ATF2: variants seen among roughly 807,000 people sequenced by gnomAD.
ATF2 encodes activating transcription factor 2.
In ATF2, 24 loss-of-function variants were observed where a neutral mutation model predicts 60.6. The ratio of observed to expected loss-of-function variants is 0.40; its 90% CI spans 0.29 to 0.56. The LOEUF (loss-of-function observed/expected upper bound fraction) is 0.56, where lower values mean the gene tolerates loss of function less well. Among genes scored for constraint, ATF2 ranks in the 20% least tolerant of loss-of-function variants. The pLI is 0.54. For synonymous variants in ATF2, 206 were observed against 215.4 expected (o/e 0.96, Z 0.38); for missense variants, 433 against 607.7 (o/e 0.71, Z 3.02).
At chr2:175,124,965 G>T (rs1697225066) in intron 4 of ATF2, among the ~76,000 whole-genome samples, 3 of 151,846 alleles carry the variant, frequency 2.0e-5, no homozygotes. Flanking sequence ...AGTAACTGAG[G>T]CATACAAGAA....
chr2:175,086,460 C>T (rs967220648), intron 12 of ATF2, among the ~76,000 whole-genome samples: 1 of 152,084 alleles, frequency 6.6e-6, no homozygotes, highest in Non-Finnish European at 1.5e-5. Flanking sequence ...TGCTAGTGGT[C>T]AAGACCAGGT....
At position 175,163,643 on chromosome 2, in the gene ATF2, T is replaced by C. The variant is rs141424186; in HGVS notation, c.-143+4407A>G. ...GCCAAGGAAAAAAAATCAATAAACA[T>C]ACTTAAAAAATGAAAAATGATGCTG... On this transcript the variant is annotated intron_variant, in intron 1 of 13. Transcript: ENST00000264110. Among the ~76,000 whole-genome samples, 1,159 of 129,198 alleles carry C rather than the reference T, an allele frequency of 9.0e-3. 52 individuals carry two copies. Among genetic ancestry groups the C allele is most frequent in the Admixed American group, 0.09 (1,067 of 11,912 alleles). 84.8% of individuals were successfully genotyped at this position (129,198 alleles called of 152,430 possible). A position where few individuals can be genotyped will look rare whatever the true frequency, so the allele number is the denominator to read the frequency against.
chr2:175,140,776 A>G (rs1381155645), intron 2 of ATF2, among the ~76,000 whole-genome samples: 1 of 149,804 alleles, frequency 6.7e-6, no homozygotes, highest in Non-Finnish European at 1.5e-5. Flanking sequence ...ATCAGAGGCC[A>G]GGAGTTCAAG....
chr2:175,129,652 A>C (rs1574439062), intron 4 of ATF2, among the ~76,000 whole-genome samples: 1 of 152,038 alleles, frequency 6.6e-6, no homozygotes, highest in African/African-American at 2.4e-5. Context: ...GTTAAAAAAA[A>C]ACTAAAATAT....
At chr2:175,125,074 G>T (rs1005896390) in intron 4 of ATF2, among the ~76,000 whole-genome samples, 8 of 151,996 alleles carry the variant, frequency 5.3e-5, no homozygotes, top group Non-Finnish European at 8.8e-5. Flanking sequence ...ATTTTAAATT[G>T]TAAAAATCTA....
intron 3 of ATF2, among the ~76,000 whole-genome samples, chr2:175,132,400 T>C (rs981583541): frequency 2.6e-5 from 4 of 152,346 alleles, no homozygotes; most frequent in South Asian, 2.1e-4. Flanking sequence ...TGAGTAGACA[T>C]TGAGCTTTAT....
At chr2:175,144,587 C>A (rs573550150) in intron 2 of ATF2, among the ~76,000 whole-genome samples, 7 of 152,084 alleles carry the variant, frequency 4.6e-5, no homozygotes, top group African/African-American at 1.4e-4. Context: ...AGTGTCTGCA[C>A]GGGAGGTAGC....
intron 12 of ATF2, among the ~76,000 whole-genome samples, chr2:175,087,075 A>C (rs1403468309): frequency 1.3e-5 from 2 of 152,198 alleles, no homozygotes; most frequent in African/African-American, 4.8e-5. Flanking sequence ...AAATGAAAAA[A>C]AAATGTATAC....
intron 1 of ATF2, among the ~76,000 whole-genome samples, chr2:175,154,148 C>T (rs998873485): frequency 1.9e-4 from 28 of 149,048 alleles, no homozygotes; most frequent in Admixed American, 9.4e-4. Flanking sequence ...TGGGAGGCGG[C>T]GGTTGCAGTG....
chr2:175,156,042 C>T (rs887396865), intron 1 of ATF2, among the ~76,000 whole-genome samples: 1 of 152,020 alleles, frequency 6.6e-6, no homozygotes, highest in Non-Finnish European at 1.5e-5. Context: ...AGGTTACCTT[C>T]CACCACAAAA....
chr2:175,090,637 T>C (rs1694482306), intron 12 of ATF2, among the ~76,000 whole-genome samples: 1 of 152,190 alleles, frequency 6.6e-6, no homozygotes, highest in African/African-American at 2.4e-5. Flanking sequence ...ATACTGGTTT[T>C]ACTTCTTCTG....
intron 10 of ATF2, among the ~76,000 whole-genome samples, chr2:175,102,720 G>A (rs1695390918): frequency 6.6e-6 from 1 of 151,536 alleles, no homozygotes; most frequent in South Asian, 2.1e-4. Flanking sequence ...AGTGAGCTCT[G>A]GCCTGGGTAA....
intron 10 of ATF2, among the ~76,000 whole-genome samples, chr2:175,100,038 A>G (rs1463821110): frequency 2.6e-5 from 4 of 152,242 alleles, no homozygotes; most frequent in South Asian, 2.1e-4. Context: ...AATTATAAAA[A>G]GTACCACTTA....
At chr2:175,139,631 C>T (rs1385817826) in intron 2 of ATF2, among the ~76,000 whole-genome samples, 1 of 150,172 alleles carries the variant, frequency 6.7e-6, no homozygotes, top group Non-Finnish European at 1.5e-5. Context: ...TGAGATCGTG[C>T]CACTGTGCTG....
At chr2:175,092,940 G>T in intron 12 of ATF2, 121 bp downstream of exon 12, 2 of 989,620 alleles carry the variant, frequency 2.0e-6, no homozygotes, top group Non-Finnish European at 3.0e-6. Flanking sequence ...ATTTACTATA[G>T]ATTCCATACA....
chr2:175,142,942 G>A (rs1356461358), intron 2 of ATF2, among the ~76,000 whole-genome samples: 1 of 152,040 alleles, frequency 6.6e-6, no homozygotes, highest in Non-Finnish European at 1.5e-5. Flanking sequence ...GAAATCCTGA[G>A]CTCAAGTGAT....
chr2:175,120,676 T>C (rs888700520), intron 5 of ATF2, among the ~76,000 whole-genome samples: 5 of 151,740 alleles, frequency 3.3e-5, no homozygotes, highest in African/African-American at 1.2e-4. Flanking sequence ...AAATCTGTGA[T>C]GACACAAAGG....
chr2:175,094,882 G>A (rs911312728), intron 11 of ATF2, among the ~76,000 whole-genome samples: 4 of 152,146 alleles, frequency 2.6e-5, no homozygotes, highest in South Asian at 2.1e-4. Context: ...AGTCGAGGCT[G>A]CAGTGAGCCA....
intron 1 of ATF2, among the ~76,000 whole-genome samples, chr2:175,160,691 T>G (rs771625191): frequency 2.0e-5 from 3 of 152,118 alleles, no homozygotes; most frequent in Non-Finnish European, 4.4e-5. Context: ...TCAATCCCAC[T>G]ATGGGGAAGG....
Sources: allele counts gnomAD v4.1 joint callset (sites outside exome capture counted in the v4.1 genomes callset), GRCh38; gene constraint gnomAD v4.1.1; transcripts MANE v1.5; gene names NCBI Gene and HGNC (gene_info 2026-07-23, HGNC 2026-07-21).